Variants in CTIF observed in about 807,000 individuals in gnomAD.
CTIF encodes the protein cap binding complex dependent translation initiation factor.
A neutral mutation model predicts 66.0 loss-of-function variants in CTIF; 21 were observed. The observed-to-expected ratio is 0.32, with a 90% CI of 0.23 to 0.46. CTIF has a LOEUF of 0.46. CTIF is among the 20% of genes least tolerant of loss of function. The pLI is 1.00. For missense variants in CTIF, 739 were observed against 812.7 expected (o/e 0.91, Z 1.10); for synonymous variants, 345 against 326.4 (o/e 1.06, Z -0.62).
At chr18:48,787,283 AAAG>A (rs1911794889) in intron 9 of CTIF, among the ~76,000 whole-genome samples, 1 of 152,116 alleles carries the variant, frequency 6.6e-6, no homozygotes, top group African/African-American at 2.4e-5. Context: ...AAAGGAAAAG[AAAG>A]AAGGGAAGGG....
chr18:48,597,238 TTAAGGGAACCA>T (rs1322272230), intron 1 of CTIF, among the ~76,000 whole-genome samples: 2 of 152,032 alleles, frequency 1.3e-5, no homozygotes, highest in Non-Finnish European at 1.5e-5. Flanking sequence ...AGACATAGAG[TTAAGGGAACCA>T]CAGCCTCCAG....
chr18:48,773,983 C>T (rs1599019304), intron 9 of CTIF, among the ~76,000 whole-genome samples: 1 of 152,218 alleles, frequency 6.6e-6, no homozygotes, highest in East Asian at 1.9e-4. Context: ...TTCAGGGTGG[C>T]CAGGTTCCAC....
chr18:48,747,337 G>A (rs1206472142), intron 7 of CTIF, among the ~76,000 whole-genome samples: 4 of 152,240 alleles, frequency 2.6e-5, no homozygotes, highest in Non-Finnish European at 5.9e-5. Context: ...CTCCCCAGTA[G>A]GTTCCTGGCT....
At chr18:48,836,848 C>T (rs560051566) in intron 10 of CTIF, among the ~76,000 whole-genome samples, 14 of 152,334 alleles carry the variant, frequency 9.2e-5, no homozygotes, top group Admixed American at 2.0e-4. Context: ...GTGAGTGTGT[C>T]CCCTGCTTAG....
intron 7 of CTIF, among the ~76,000 whole-genome samples, chr18:48,755,050 G>T (rs1318879564): frequency 2.6e-5 from 4 of 152,216 alleles, no homozygotes; most frequent in Non-Finnish European, 5.9e-5. Flanking sequence ...AAACCAGGCA[G>T]TTTCAAGACG....
At position 48,861,269 on chromosome 18, in the gene CTIF, G is replaced by A. The variant is rs1020321498; in HGVS notation, c.*1710G>A. 2.0e-5 allele frequency: 3 copies of A among 152,266 alleles called. No individual in the cohort carries two copies. The allele number at this position is 152,266 out of a possible 1,614,324, so 9.4% of individuals were successfully genotyped here. Reference sequence around the variant, plus strand: ...AGAGCCTGTTGGCGACAAGGTGTAGGGGGCACAAGTTTACCTGAAACAGGT... The same window carrying A: ...AGAGCCTGTTGGCGACAAGGTGTAGAGGGCACAAGTTTACCTGAAACAGGT... On this transcript the variant is annotated 3_prime_UTR_variant, in exon 12 of 12. Coordinates refer to ENST00000256413, the MANE Select transcript of CTIF (RefSeq NM_014772.3).
At chr18:48,636,316 A>C (rs1424756003) in intron 2 of CTIF, among the ~76,000 whole-genome samples, 1 of 152,216 alleles carries the variant, frequency 6.6e-6, no homozygotes, top group African/African-American at 2.4e-5. Flanking sequence ...CAAACTCAGA[A>C]TAAGTTTTGT....
intron 1 of CTIF, among the ~76,000 whole-genome samples, chr18:48,607,684 G>T (rs1281768028): frequency 1.3e-5 from 2 of 152,210 alleles, no homozygotes; most frequent in African/African-American, 2.4e-5. Flanking sequence ...TTAAGGCTGA[G>T]CTGGAGGGTG....
intron 9 of CTIF, among the ~76,000 whole-genome samples, chr18:48,801,602 T>C (rs1019516757): frequency 2.6e-5 from 4 of 152,242 alleles, no homozygotes; most frequent in Admixed American, 2.0e-4. Context: ...TCAAATCTTT[T>C]TGTGAGCATT....
intron 9 of CTIF, among the ~76,000 whole-genome samples, chr18:48,782,915 CAGAG>C (rs1237973944): frequency 1.3e-5 from 2 of 152,240 alleles, no homozygotes; most frequent in African/African-American, 2.4e-5. Context: ...CCACCAGACT[CAGAG>C]AGCCCATGGG....
At chr18:48,541,202 AGCCCAAGCCCAGCGC>A in intron 1 of CTIF, among the ~76,000 whole-genome samples, 1 of 152,034 alleles carries the variant, frequency 6.6e-6, no homozygotes, top group Middle Eastern at 3.5e-3. Flanking sequence ...GGACAGTGGG[AGCCCAAGCCCAGCGC>A]GCCCCAGCCC....
At chr18:48,664,656 C>T in intron 5 of CTIF, 105 bp downstream of exon 5, 2 of 936,434 alleles carry the variant, frequency 2.1e-6, no homozygotes, top group Non-Finnish European at 1.6e-6. Flanking sequence ...ACTCAGGTGG[C>T]TGATGCCCCG....
intron 6 of CTIF, among the ~76,000 whole-genome samples, chr18:48,698,720 C>T (rs1196497602): frequency 6.6e-6 from 1 of 152,210 alleles, no homozygotes; most frequent in Non-Finnish European, 1.5e-5. Context: ...CTGTCCCTTT[C>T]TTAGGGAGGA....
At chr18:48,730,475 T>TCCTGCTGTGTGAGGGGC (rs2092438206) in intron 7 of CTIF, among the ~76,000 whole-genome samples, 2 of 93,062 alleles carry the variant, frequency 2.1e-5, no homozygotes, top group African/African-American at 7.9e-5. Context: ...TGTGAGGGGC[T>TCCTGCTGTGTGAGGGGC]TCCGCGGTGT....
At chr18:48,649,976 A>G (rs182318426) in intron 3 of CTIF, among the ~76,000 whole-genome samples, 1 of 152,372 alleles carries the variant, frequency 6.6e-6, no homozygotes, top group Non-Finnish European at 1.5e-5. Context: ...TCTGTAGGTC[A>G]CCAACGTCAA....
chr18:48,736,608 TG>T (rs1249597461), intron 7 of CTIF, among the ~76,000 whole-genome samples: 1 of 152,144 alleles, frequency 6.6e-6, no homozygotes, highest in African/African-American at 2.4e-5. Context: ...TGATGGGGGT[TG>T]GGGGAAGAAG....
chr18:48,822,048 T>C (rs564060521), intron 10 of CTIF, among the ~76,000 whole-genome samples: 19 of 152,374 alleles, frequency 1.2e-4, no homozygotes, highest in African/African-American at 4.3e-4. Flanking sequence ...CTATTTTAGA[T>C]ACCTCATGTA....
chr18:48,543,918 T>A (rs2088685221), intron 1 of CTIF, among the ~76,000 whole-genome samples: 1 of 152,228 alleles, frequency 6.6e-6, no homozygotes, highest in Non-Finnish European at 1.5e-5. Context: ...TCCTGCCTTA[T>A]CTTCATCTTT....
At chr18:48,541,570 T>G (rs1027205347) in intron 1 of CTIF, among the ~76,000 whole-genome samples, 1 of 152,142 alleles carries the variant, frequency 6.6e-6, no homozygotes, top group African/African-American at 2.4e-5. Context: ...AACCCAATTA[T>G]ACGTGAACAG....
Sources: allele counts gnomAD v4.1 joint callset (sites outside exome capture counted in the v4.1 genomes callset), GRCh38; gene constraint gnomAD v4.1.1; transcripts MANE v1.5; gene names NCBI Gene and HGNC (gene_info 2026-07-23, HGNC 2026-07-21).